ALK: variants seen among roughly 807,000 people sequenced by gnomAD.
ALK encodes ALK receptor tyrosine kinase, also known as ALK tyrosine kinase receptor.
Under a neutral mutation model 163.1 loss-of-function variants are expected in ALK, and 74 were observed. The ratio of observed to expected loss-of-function variants is 0.45; its 90% CI spans 0.38 to 0.55. ALK has a LOEUF of 0.55. ALK is among the 20% of genes least tolerant of loss of function. The probability of loss-of-function intolerance (pLI) is 0.00; values close to 1 mark genes in which losing one functional copy is unlikely to be tolerated. For missense variants in ALK, 2,063 were observed against 2,105.3 expected, an observed-to-expected ratio of 0.98 and a Z score of 0.39; for synonymous variants, 960 against 843.2, an observed-to-expected ratio of 1.14 and a Z score of -2.40.
chr2:29,358,617 T>G (rs1338128496), intron 5 of ALK, among the ~76,000 whole-genome samples: 1 of 152,170 alleles, frequency 6.6e-6, no homozygotes, highest in Non-Finnish European at 1.5e-5. Context: ...TGTCAGGGAA[T>G]TTGATTGTTT....
intron 1 of ALK, among the ~76,000 whole-genome samples, chr2:29,761,800 T>G (rs943583011): frequency 5.9e-5 from 9 of 152,192 alleles, no homozygotes; most frequent in Admixed American, 5.2e-4. Flanking sequence ...CTGGATGGGG[T>G]GAGCAATCTC....
At position 29,878,997 on chromosome 2, in the gene ALK, C is replaced by T. The variant is rs576525778; in HGVS notation, c.667+40996G>A. On this transcript the variant is annotated intron_variant, in intron 1 of 28. Coordinates refer to ENST00000389048, the MANE Select transcript of ALK (RefSeq NM_004304.5). Reference sequence around the variant, plus strand: ...GCAGAAAACCCACACAGTATGCAGGCAAGAAACAGGACTGATGCCAGGGAG... The same window carrying T: ...GCAGAAAACCCACACAGTATGCAGGTAAGAAACAGGACTGATGCCAGGGAG... Among the ~76,000 whole-genome samples, 122 of 152,206 alleles carry T rather than the reference C, an allele frequency of 8.0e-4. 2 individuals are homozygous for T. The highest frequency in any genetic ancestry group is 2.8e-3 in the African/African-American group (118 of 41,516).
At chr2:29,397,388 C>T (rs1328532075) in intron 4 of ALK, among the ~76,000 whole-genome samples, 2 of 152,182 alleles carry the variant, frequency 1.3e-5, no homozygotes, top group Non-Finnish European at 1.5e-5. Flanking sequence ...GATTCTTCCT[C>T]ACAGGCCTCA....
intron 1 of ALK, among the ~76,000 whole-genome samples, chr2:29,787,871 ATTC>A (rs750772106): frequency 1.1e-4 from 16 of 152,230 alleles, no homozygotes; most frequent in Non-Finnish European, 1.9e-4. Flanking sequence ...AATCTTTGGT[ATTC>A]TTCTGTGAAC....
At chr2:29,508,127 C>G (rs1672389548) in intron 4 of ALK, among the ~76,000 whole-genome samples, 1 of 152,040 alleles carries the variant, frequency 6.6e-6, no homozygotes, top group African/African-American at 2.4e-5. Context: ...GTCTGGCTGG[C>G]TTTCTTGAGA....
chr2:29,535,935 G>T (rs568193712), intron 3 of ALK, among the ~76,000 whole-genome samples: 3 of 152,046 alleles, frequency 2.0e-5, no homozygotes, highest in Non-Finnish European at 4.4e-5. Context: ...GAACTTTCCC[G>T]CTAAGATGTA....
At chr2:29,217,123 G>A (rs1254212340) in intron 23 of ALK, among the ~76,000 whole-genome samples, 5 of 26,614 alleles carry the variant, frequency 1.9e-4, no homozygotes, top group Middle Eastern at 0.011. Context: ...GGGGGGGGGC[G>A]TGTGTGGTGT....
intron 26 of ALK, among the ~76,000 whole-genome samples, chr2:29,204,903 T>G (rs1243758011): frequency 2.0e-5 from 3 of 152,256 alleles, no homozygotes; most frequent in South Asian, 4.1e-4. Context: ...GACTTATCAC[T>G]ATTGAGGTTG....
At chr2:29,852,941 G>C (rs1666041399) in intron 1 of ALK, among the ~76,000 whole-genome samples, 1 of 151,932 alleles carries the variant, frequency 6.6e-6, no homozygotes, top group African/African-American at 2.4e-5. Context: ...ATCACTGGTG[G>C]ACACTGTATC....
Position 29,197,641 on chromosome 2 carries a change from A to T in ALK, c.3974T>A (p.Leu1325His), listed in dbSNP as rs2148143545. The T allele has an allele frequency of 2.5e-6, 4 of 1,614,058 alleles. No individual in the cohort carries two copies. Among genetic ancestry groups the T allele is most frequent in the Non-Finnish European group, 3.4e-6 (4 of 1,180,030 alleles). ...TTTGCTGGGGTATGGCATATATCCAAGAGAAAAGATTTCCCATAGCAGCAC... is the reference window on the plus strand; with the variant it reads ...TTTGCTGGGGTATGGCATATATCCATGAGAAAAGATTTCCCATAGCAGCAC... Reference protein sequence around the residue: ...FGVLLWEIFSLGYMPYPSKSN... With the variant: ...FGVLLWEIFSHGYMPYPSKSN... Residue 1325 changes from leucine to histidine, a missense_variant, in exon 27 of 29, where the codon CTT becomes CAT. Transcript: ENST00000389048.
intron 3 of ALK, among the ~76,000 whole-genome samples, chr2:29,537,891 T>C (rs1223124870): frequency 6.6e-6 from 1 of 152,212 alleles, no homozygotes; most frequent in Non-Finnish European, 1.5e-5. Context: ...GAAGATTATT[T>C]TGAAGCTTTA....
intron 3 of ALK, among the ~76,000 whole-genome samples, chr2:29,689,985 G>A (rs13420631): frequency 2.8e-3 from 423 of 152,300 alleles, no homozygotes; most frequent in African/African-American, 9.8e-3. Context: ...TAACCCTGCA[G>A]ACATCTTGAT....
intron 4 of ALK, among the ~76,000 whole-genome samples, chr2:29,385,399 T>C (rs1312957683): frequency 3.6e-5 from 5 of 139,506 alleles, no homozygotes; most frequent in African/African-American, 5.3e-5. Flanking sequence ...TTTTTTTTTT[T>C]CTGTCTTGAG....
chr2:29,391,181 G>A (rs564363324), intron 4 of ALK, among the ~76,000 whole-genome samples: 1 of 152,244 alleles, frequency 6.6e-6, no homozygotes, highest in Non-Finnish European at 1.5e-5. Context: ...TGGAAGGTAG[G>A]CTGGCCTTCC....
At chr2:29,415,016 A>C (rs944651267) in intron 4 of ALK, among the ~76,000 whole-genome samples, 11 of 151,870 alleles carry the variant, frequency 7.2e-5, no homozygotes, top group African/African-American at 2.2e-4. Flanking sequence ...TACATAGGAC[A>C]TGTGTGCACA....
At chr2:29,487,031 C>A (rs1573394576) in intron 4 of ALK, among the ~76,000 whole-genome samples, 2 of 152,306 alleles carry the variant, frequency 1.3e-5, no homozygotes, top group East Asian at 1.9e-4. Flanking sequence ...ACTAACTGAC[C>A]TATATCAATG....
chr2:29,205,909 C>G (rs1312039520), intron 26 of ALK, among the ~76,000 whole-genome samples: 5 of 152,192 alleles, frequency 3.3e-5, no homozygotes, highest in Non-Finnish European at 7.3e-5. Context: ...CTTGGCAGTA[C>G]TGTATCTGTA....
At chr2:29,889,496 AAAT>A (rs1188141486) in intron 1 of ALK, among the ~76,000 whole-genome samples, 1 of 151,748 alleles carries the variant, frequency 6.6e-6, no homozygotes, top group Admixed American at 6.6e-5. Flanking sequence ...TTTTTCCTTT[AAAT>A]AATAGATGGA....
At chr2:29,196,314 A>C (rs917521343) in intron 28 of ALK, among the ~76,000 whole-genome samples, 1 of 152,222 alleles carries the variant, frequency 6.6e-6, no homozygotes, top group African/African-American at 2.4e-5. Flanking sequence ...TTACTTTGAA[A>C]TTTCATTCCC....
Sources: gnomAD v4.1 joint callset for allele counts (sites outside exome capture counted in the v4.1 genomes callset) on GRCh38, gnomAD v4.1.1 for gene constraint, MANE v1.5 for transcripts, NCBI Gene and HGNC (gene_info 2026-07-23, HGNC 2026-07-21) for gene names.